Variants in CXCL8 observed in about 807,000 individuals in gnomAD.
The protein encoded by CXCL8 is C-X-C motif chemokine ligand 8.
Under a neutral mutation model 10.9 loss-of-function variants are expected in CXCL8, and 12 were observed. The observed-to-expected ratio is 1.10, with a 90% CI of 0.71 to 1.79. The LOEUF (loss-of-function observed/expected upper bound fraction) is 1.79, where lower values mean the gene tolerates loss of function less well. Among genes scored for constraint, CXCL8 ranks in the 40% most tolerant of loss-of-function variants. CXCL8 has a pLI of 0.00. For missense variants in CXCL8, 145 were observed against 113.4 expected, an observed-to-expected ratio of 1.28 and a Z score of -1.26; for synonymous variants, 41 against 39.6, an observed-to-expected ratio of 1.03 and a Z score of -0.13.
Position 73,742,431 on chromosome 4 carries a change from T to G in CXCL8, c.285-18T>G, listed in dbSNP as rs761634810. 2.4e-6 allele frequency: 3 copies of G among 1,272,898 alleles called. No homozygotes were observed. The African/African-American group carries it at 4.5e-5, about 19-fold the overall frequency. 78.9% of individuals were successfully genotyped at this position (1,272,898 alleles called of 1,614,324 possible). ...TTATTAAACATAGCTCATCTTTATA[T>G]TTTTAATTTTATTTTAGGGCTGAGA... is the stretch of plus-strand genomic sequence containing the variant. On this transcript the variant is annotated intron_variant, in intron 3 of 3. Coordinates refer to ENST00000307407, the MANE Select transcript of CXCL8 (RefSeq NM_000584.4).
intron 1 of CXCL8, 103 bp downstream of exon 1, chr4:73,740,825 C>A: frequency 2.2e-6 from 2 of 902,368 alleles, no homozygotes; most frequent in South Asian, 1.6e-5. Flanking sequence ...CCTTTTTATT[C>A]AGAAACAGAA....
intron 2 of CXCL8, 67 bp from the exon 3 acceptor site, chr4:73,741,882 A>T (rs900837971): frequency 8.0e-7 from 1 of 1,256,728 alleles, no homozygotes; most frequent in African/African-American, 1.5e-5. Flanking sequence ...TTTATGCCTG[A>T]CTTAAGGAAT....
rs1729217942 is a variant in CXCL8 at position 73,742,810 on chromosome 4, T to C, written c.*346T>C. 4.1e-6 allele frequency: 1 copy of C among 241,450 alleles called. No individual in the cohort carries two copies. The allele number at this position is 241,450 out of a possible 1,614,324, so 15.0% of individuals were successfully genotyped here. On this transcript the variant is annotated 3_prime_UTR_variant, in exon 4 of 4. Coordinates refer to ENST00000307407, the MANE Select transcript of CXCL8 (RefSeq NM_000584.4). ...AATATCCGAACTTTAATTTCAGGAA[T>C]TGAATGGGTTTGCTAGAATGTGATA...
rs751350777 is a variant in CXCL8, at chr4:73,742,416, T to C, written c.285-33T>C. Reference sequence around the variant, plus strand: ...ACCCTACTTTCCTTCTTATTAAACATAGCTCATCTTTATATTTTTAATTTT... The same window carrying C: ...ACCCTACTTTCCTTCTTATTAAACACAGCTCATCTTTATATTTTTAATTTT... On this transcript the variant is annotated intron_variant, in intron 3 of 3. Coordinates refer to ENST00000307407, the MANE Select transcript of CXCL8 (RefSeq NM_000584.4). The C allele has an allele frequency of 4.6e-6, 5 of 1,084,094 alleles. No homozygotes were observed. In the Admixed American group the frequency reaches 8.2e-5, roughly 18 times the overall value. The allele number at this position is 1,084,094 out of a possible 1,614,324, so 67.2% of individuals were successfully genotyped here.
chr4:73,741,829 G>C, intron 2 of CXCL8, 120 bp from the exon 3 acceptor site: 1 of 1,049,272 alleles, frequency 9.5e-7, no homozygotes, highest in South Asian at 1.4e-5. Flanking sequence ...ATTTAAATAT[G>C]GTAGCTTCCA....
intron 2 of CXCL8, 131 bp downstream of exon 2, chr4:73,741,808 G>C (rs1156545897): frequency 9.5e-7 from 1 of 1,058,074 alleles, no homozygotes; most frequent in Non-Finnish European, 1.4e-6. Flanking sequence ...AAAAATATTT[G>C]TCTACATGAC....
chr4:73,742,216 G>T, intron 3 of CXCL8, 184 bp downstream of exon 3: 1 of 579,464 alleles, frequency 1.7e-6, no homozygotes, highest in East Asian at 2.9e-5. Flanking sequence ...ACCATACATA[G>T]TTTGCCCAGG....
intron 2 of CXCL8, 43 bp downstream of exon 2, chr4:73,741,720 T>G: frequency 6.4e-7 from 1 of 1,565,098 alleles, no homozygotes. Flanking sequence ...TTTAGCAAAC[T>G]TAAAATTAAG....
intron 3 of CXCL8, 39 bp downstream of exon 3, chr4:73,742,071 C>T (rs747217394): frequency 4.9e-6 from 6 of 1,214,538 alleles, no homozygotes; most frequent in Admixed American, 2.2e-5. Context: ...TTTCATTTAT[C>T]CTGAGACATA....
In CXCL8 at chr4:73,742,345, G is replaced by A. The variant is rs918858962; in HGVS notation, c.285-104G>A. Reference sequence around the variant, plus strand: ...CCCTATTTATAGTTGAGAATATAGAGCATTTCTAACACATGAATGTCAAAG... The same window carrying A: ...CCCTATTTATAGTTGAGAATATAGAACATTTCTAACACATGAATGTCAAAG... On this transcript the variant is annotated intron_variant, in intron 3 of 3. Coordinates refer to ENST00000307407, the MANE Select transcript of CXCL8 (RefSeq NM_000584.4). 3.1e-5 allele frequency: 19 copies of A among 618,472 alleles called. No individual in the cohort carries two copies. The African/African-American group carries it at 3.4e-4, about 11-fold the overall frequency. The allele number at this position is 618,472 out of a possible 1,614,324, so 38.3% of individuals were successfully genotyped here. A position where few individuals can be genotyped will look rare whatever the true frequency, so the allele number is the denominator to read the frequency against.
At chr4:73,741,444 A>T in intron 1 of CXCL8, 98 bp from the exon 2 acceptor site, 1 of 1,161,310 alleles carries the variant, frequency 8.6e-7, no homozygotes, top group Non-Finnish European at 1.2e-6. Context: ...GATGCCTTCC[A>T]TAGTCTCCAA....
At chr4:73,740,957 C>T (rs1378226370) in intron 1 of CXCL8, among the ~76,000 whole-genome samples, 1 of 152,100 alleles carries the variant, frequency 6.6e-6, no homozygotes, top group African/African-American at 2.4e-5. Context: ...TACCATGTAG[C>T]ATGCATATAT....
intron 3 of CXCL8, 34 bp downstream of exon 3, chr4:73,742,066 T>C: frequency 7.7e-7 from 1 of 1,292,694 alleles, no homozygotes; most frequent in South Asian, 1.4e-5. Context: ...AAATTTTTCA[T>C]TTATCCTGAG....
At position 73,740,670 on chromosome 4, in the gene CXCL8, G is replaced by T. The variant is rs1283253780; in HGVS notation, c.12G>T (p.Lys4Asn). The T allele has an allele frequency of 6.2e-7, 1 of 1,613,722 alleles. No individual in the cohort carries two copies. Among genetic ancestry groups the T allele is most frequent in the Non-Finnish European group, 8.5e-7 (1 of 1,179,728 alleles). Residue 4 changes from lysine to asparagine, a missense_variant, in exon 1 of 4, where the codon AAG (lysine) becomes AAT (asparagine). By Grantham distance (94) the Lys-to-Asn change is moderately conservative. Coordinates refer to ENST00000307407, the MANE Select transcript of CXCL8 (RefSeq NM_000584.4). ...CACTGTGTGTAAACATGACTTCCAAGCTGGCCGTGGCTCTCTTGGCAGCCT... is the reference window on the plus strand; with the variant it reads ...CACTGTGTGTAAACATGACTTCCAATCTGGCCGTGGCTCTCTTGGCAGCCT... MTS[K>N]LAVALLAAFL... is the part of the protein sequence containing the mutation.
At position 73,741,551 on chromosome 4, in the gene CXCL8, TG is replaced by T. The variant is rs1257495551; in HGVS notation, c.75del (p.Leu25PhefsTer13). The T allele has an allele frequency of 3.7e-6, 6 of 1,612,972 alleles. No homozygotes were observed. The Admixed American group carries it at 1.0e-4, about 27-fold the overall frequency. On this transcript the variant is annotated frameshift_variant, in exon 2 of 4. Transcript: ENST00000307407. LOFTEE classifies it high-confidence loss of function. ...CTTTTTCCCCCAACAGGTGCAGTTT[TG>T]CCAAGGAGTGCTAAAGAACTTAGAT... is the stretch of plus-strand genomic sequence containing the variant. Reference protein sequence around the residue: ...ISAALCEGAVLPRSAKELRCQ... With the variant: ...ISAALCEGAVXPRSAKELRCQ...
In CXCL8 at chr4:73,742,984, C is replaced by G. The variant is rs1578114475; in HGVS notation, c.*520C>G. ...TCCTTGTTCCACTGTGCCTTGGTTT[C>G]TCCTTTATTTCTAAGTGGAAAAAGT... is the stretch of plus-strand genomic sequence containing the variant. On this transcript the variant is annotated 3_prime_UTR_variant, in exon 4 of 4. Coordinates refer to ENST00000307407, the MANE Select transcript of CXCL8 (RefSeq NM_000584.4). The G allele has an allele frequency of 8.7e-6, 2 of 231,006 alleles. No individual in the cohort carries two copies. The highest frequency in any genetic ancestry group is 1.7e-5 in the Non-Finnish European group (2 of 116,720). 14.3% of individuals were successfully genotyped at this position (231,006 alleles called of 1,614,324 possible). A position where few individuals can be genotyped will look rare whatever the true frequency, so the allele number is the denominator to read the frequency against.
chr4:73,741,056 C>T (rs1374594680), intron 1 of CXCL8, among the ~76,000 whole-genome samples: 1 of 152,112 alleles, frequency 6.6e-6, no homozygotes, highest in Non-Finnish European at 1.5e-5. Context: ...CAAGGTAACT[C>T]AGACAATTCC....
At position 73,743,630 on chromosome 4, in the gene CXCL8, T is replaced by A. The variant is rs201880994; in HGVS notation, c.*1166T>A. 4.9e-6 allele frequency: 1 copy of A among 202,354 alleles called. No individual in the cohort carries two copies. Among genetic ancestry groups the A allele is most frequent in the African/African-American group, 2.3e-5 (1 of 43,926 alleles). The allele number at this position is 202,354 out of a possible 1,614,324, so 12.5% of individuals were successfully genotyped here. On this transcript the variant is annotated 3_prime_UTR_variant, in exon 4 of 4. Coordinates refer to ENST00000307407, the MANE Select transcript of CXCL8 (RefSeq NM_000584.4). ...TTAACTTTAAGATGTTTTTATGTGC[T>A]CTCCAAATTTTTTTTACTGTTTCTG...
Position 73,741,661 on chromosome 4 carries a change from G to T in CXCL8, c.184G>T (p.Ala62Ser), listed in dbSNP as rs140214046. The change falls in exon 2 of 4, where the codon GCC (alanine) becomes TCC (serine). Residue 62 changes from alanine to serine, a missense_variant. By Grantham distance (99) the Ala-to-Ser change is moderately conservative. Coordinates refer to ENST00000307407, the MANE Select transcript of CXCL8 (RefSeq NM_000584.4). ...AGTGATTGAGAGTGGACCACACTGC[G>T]CCAACACAGAAATTATGTAAGTACT... is the stretch of plus-strand genomic sequence containing the variant. ...LRVIESGPHCANTEIIVKLSD... is the reference protein window; with the variant it reads ...LRVIESGPHCSNTEIIVKLSD... 1.7e-5 allele frequency: 27 copies of T among 1,611,848 alleles called. 2 individuals carry two copies. In the Middle Eastern group the frequency reaches 8.2e-4, roughly 49 times the overall value.
Sources: allele counts gnomAD v4.1 joint callset (sites outside exome capture counted in the v4.1 genomes callset), GRCh38; gene constraint gnomAD v4.1.1; transcripts MANE v1.5; gene names NCBI Gene and HGNC (gene_info 2026-07-23, HGNC 2026-07-21).